Variants in CCBE1 observed in about 807,000 individuals in gnomAD.
CCBE1 encodes collagen and calcium binding EGF domains 1.
Under a neutral mutation model 50.0 loss-of-function variants are expected in CCBE1, and 37 were observed. The ratio of observed to expected loss-of-function variants is 0.74; its 90% CI spans 0.57 to 0.97. The LOEUF (loss-of-function observed/expected upper bound fraction) is 0.97, where lower values mean the gene tolerates loss of function less well. CCBE1 is among the 50% of genes least tolerant of loss of function. CCBE1 has a pLI of 0.00. For missense variants in CCBE1, 538 were observed against 523.8 expected, an observed-to-expected ratio of 1.03 and a Z score of -0.26; for synonymous variants, 234 against 203.7, an observed-to-expected ratio of 1.15 and a Z score of -1.27.
chr18:59,650,482 C>T (rs892367984), intron 2 of CCBE1, among the ~76,000 whole-genome samples: 3 of 151,564 alleles, frequency 2.0e-5, no homozygotes, highest in East Asian at 2.0e-4. Context: ...GAAAGTCTGG[C>T]GCGTTAAAAG....
chr18:59,653,644 A>T (rs2144671367), intron 2 of CCBE1, among the ~76,000 whole-genome samples: 1 of 152,256 alleles, frequency 6.6e-6, no homozygotes, highest in East Asian at 1.9e-4. Context: ...CCCCAAATCC[A>T]TTTTCTCAAC....
intron 2 of CCBE1, among the ~76,000 whole-genome samples, chr18:59,529,325 G>T (rs1914956308): frequency 6.6e-6 from 1 of 152,192 alleles, no homozygotes; most frequent in South Asian, 2.1e-4. Context: ...GGCACTGGCA[G>T]GGGAAAATGG....
intron 2 of CCBE1, among the ~76,000 whole-genome samples, chr18:59,595,212 T>C (rs2144546323): frequency 6.7e-6 from 1 of 150,092 alleles, no homozygotes; most frequent in South Asian, 2.1e-4. Context: ...GGCCAGTATC[T>C]ACTGTTTTTT....
chr18:59,674,684 A>G (rs1291040312), intron 2 of CCBE1, among the ~76,000 whole-genome samples: 1 of 152,210 alleles, frequency 6.6e-6, no homozygotes, highest in Non-Finnish European at 1.5e-5. Context: ...AAATTAATAT[A>G]AGTTATTAAG....
At chr18:59,544,671 A>G (rs947269946) in intron 2 of CCBE1, among the ~76,000 whole-genome samples, 1 of 152,206 alleles carries the variant, frequency 6.6e-6, no homozygotes. Flanking sequence ...GAGATGAGGG[A>G]AAGAGGGAAA....
At chr18:59,528,141 C>T (rs1023742580) in intron 2 of CCBE1, among the ~76,000 whole-genome samples, 3 of 152,202 alleles carry the variant, frequency 2.0e-5, no homozygotes, top group African/African-American at 7.2e-5. Context: ...AGTCTTTTCA[C>T]ATAATCCCAT....
At chr18:59,616,158 T>G (rs776204429) in intron 2 of CCBE1, among the ~76,000 whole-genome samples, 2 of 151,996 alleles carry the variant, frequency 1.3e-5, no homozygotes, top group Non-Finnish European at 2.9e-5. Flanking sequence ...AGCTGCAGAG[T>G]GCAGGGCAGC....
intron 2 of CCBE1, among the ~76,000 whole-genome samples, chr18:59,480,725 C>G (rs1912532430): frequency 6.6e-6 from 1 of 151,282 alleles, no homozygotes; most frequent in Admixed American, 6.6e-5. Flanking sequence ...AAGACTGGAA[C>G]CCAAGCATTC....
intron 2 of CCBE1, among the ~76,000 whole-genome samples, chr18:59,608,910 C>T (rs983694953): frequency 9.9e-5 from 15 of 152,260 alleles, no homozygotes; most frequent in African/African-American, 3.6e-4. Flanking sequence ...TCTCATTATC[C>T]AGTCTTTGCT....
rs148188307 is a variant in CCBE1 at position 59,467,002 on chromosome 18, C to T, written c.401-111G>A. 360 of 943,118 alleles carry T rather than the reference C, an allele frequency of 3.8e-4. 1 individual carries two copies. In the African/African-American group the frequency reaches 4.4e-3, roughly 11 times the overall value. The allele number at this position is 943,118 out of a possible 1,614,324, so 58.4% of individuals were successfully genotyped here. On this transcript the variant is annotated intron_variant, in intron 4 of 10. Transcript: ENST00000439986. Reference sequence around the variant, plus strand: ...TAATAACAATGAAGGACACTTGGGCCGACCTTGATCAGAGCAGCCTGGAAT... The same window carrying T: ...TAATAACAATGAAGGACACTTGGGCTGACCTTGATCAGAGCAGCCTGGAAT...
At chr18:59,443,426 C>T (rs901711776) in intron 7 of CCBE1, among the ~76,000 whole-genome samples, 11 of 151,606 alleles carry the variant, frequency 7.3e-5, no homozygotes, top group Non-Finnish European at 1.5e-4. Context: ...GCCTGACAAG[C>T]ATTTTTAAAA....
intron 2 of CCBE1, among the ~76,000 whole-genome samples, chr18:59,493,096 A>G (rs186820602): frequency 6.6e-6 from 1 of 152,340 alleles, no homozygotes; most frequent in Non-Finnish European, 1.5e-5. Context: ...GCTGATTCCA[A>G]GTTTCGTCTG....
intron 2 of CCBE1, among the ~76,000 whole-genome samples, chr18:59,484,579 A>C (rs976755257): frequency 6.6e-6 from 1 of 152,254 alleles, no homozygotes; most frequent in Non-Finnish European, 1.5e-5. Flanking sequence ...TTTTCATGAA[A>C]TCAGATAATG....
chr18:59,673,961 T>C (rs984149405), intron 2 of CCBE1, among the ~76,000 whole-genome samples: 2 of 152,188 alleles, frequency 1.3e-5, no homozygotes, highest in African/African-American at 4.8e-5. Context: ...CCTCATAAAA[T>C]GAGTTAGAGG....
In CCBE1 at chr18:59,573,861, T is replaced by C. The variant is rs116966614; in HGVS notation, c.213-93623A>G. On this transcript the variant is annotated intron_variant, in intron 2 of 10. Coordinates refer to ENST00000439986, the MANE Select transcript of CCBE1 (RefSeq NM_133459.4). The stretch of plus-strand genomic sequence containing the variant: ...GATTCAGCTATTTACATGCTTAGCT[T>C]TCCCATTTCATCAGGAGCATCTCAA... 7.9e-3 allele frequency among the ~76,000 whole-genome samples: 1,210 copies of C among 152,332 alleles called. 21 individuals carry two copies. The highest frequency in any genetic ancestry group is 0.019 in the South Asian group (91 of 4,824).
chr18:59,555,854 A>T (rs2052647976), intron 2 of CCBE1, among the ~76,000 whole-genome samples: 1 of 152,252 alleles, frequency 6.6e-6, no homozygotes, highest in Non-Finnish European at 1.5e-5. Context: ...AACATCCTGA[A>T]GAAACAGACC....
At position 59,500,699 on chromosome 18, in the gene CCBE1, A is replaced by G. The variant is rs1913577094; in HGVS notation, c.213-20461T>C. On this transcript the variant is annotated intron_variant, in intron 2 of 10. Transcript: ENST00000439986. Reference sequence around the variant, plus strand: ...ACAGCAATGGCAGTGGACAGCATTTACTGCTCACTCCCTGTGCACCTGAGT... The same window carrying G: ...ACAGCAATGGCAGTGGACAGCATTTGCTGCTCACTCCCTGTGCACCTGAGT... Among the ~76,000 whole-genome samples the G allele has an allele frequency of 2.0e-5, 3 of 152,152 alleles. No individual in the cohort carries two copies. The South Asian group carries it at 6.2e-4, about 32-fold the overall frequency.
chr18:59,583,907 G>C (rs1444259905), intron 2 of CCBE1, among the ~76,000 whole-genome samples: 1 of 152,162 alleles, frequency 6.6e-6, no homozygotes, highest in Non-Finnish European at 1.5e-5. Context: ...TGGTGGGACT[G>C]TAAACTAGTT....
At chr18:59,677,372 T>C (rs2054519150) in intron 2 of CCBE1, among the ~76,000 whole-genome samples, 1 of 152,032 alleles carries the variant, frequency 6.6e-6, no homozygotes, top group African/African-American at 2.4e-5. Flanking sequence ...GTGCTGTGAG[T>C]GGGGGCTGGT....
Sources: gnomAD v4.1 joint callset for allele counts (sites outside exome capture counted in the v4.1 genomes callset) on GRCh38, gnomAD v4.1.1 for gene constraint, MANE v1.5 for transcripts, NCBI Gene and HGNC (gene_info 2026-07-23, HGNC 2026-07-21) for gene names.